Variants in ATRNL1 observed in about 807,000 individuals in gnomAD.
ATRNL1 encodes attractin like 1.
A neutral mutation model predicts 182.7 loss-of-function variants in ATRNL1; 95 were observed. The observed-to-expected ratio is 0.52, with a 90% confidence interval of 0.44 to 0.62. The LOEUF (loss-of-function observed/expected upper bound fraction) is 0.62. Among genes scored for constraint, ATRNL1 ranks in the 20% least tolerant of loss-of-function variants. The probability of loss-of-function intolerance (pLI) is 0.00; values close to 1 mark genes in which losing one functional copy is unlikely to be tolerated. For synonymous variants in ATRNL1, 576 were observed against 568.3 expected (o/e 1.01, Z -0.19); for missense variants, 1,471 against 1,679.5 (o/e 0.88, Z 2.17).
intron 9 of ATRNL1, among the ~76,000 whole-genome samples, chr10:115,218,146 T>A (rs1435695330): frequency 6.6e-6 from 1 of 151,874 alleles, no homozygotes; most frequent in Admixed American, 6.6e-5. Flanking sequence ...GTAGAATAAG[T>A]GAGAATCCTG....
intron 26 of ATRNL1, among the ~76,000 whole-genome samples, chr10:115,610,459 T>A (rs1555018672): frequency 2.6e-5 from 4 of 152,174 alleles, no homozygotes; most frequent in African/African-American, 9.6e-5. Context: ...TATCAAGAAT[T>A]TTCATTTCTT....
In ATRNL1 at chr10:115,723,363, C is replaced by G. The variant is rs1007266938; in HGVS notation, c.3796-3885C>G. Reference sequence around the variant, plus strand: ...TAAGGAGTATTATCCTAAAGTCATTCAAAGAGTTGTATGCCTTGTGGTGTT... The same window carrying G: ...TAAGGAGTATTATCCTAAAGTCATTGAAAGAGTTGTATGCCTTGTGGTGTT... On this transcript the variant is annotated intron_variant, in intron 26 of 28. Coordinates refer to ENST00000355044, the MANE Select transcript of ATRNL1 (RefSeq NM_207303.4). Among the ~76,000 whole-genome samples the G allele has an allele frequency of 2.6e-5, 4 of 152,030 alleles. No homozygotes were observed. In the South Asian group the frequency reaches 8.3e-4, roughly 32 times the overall value.
intron 28 of ATRNL1, among the ~76,000 whole-genome samples, chr10:115,901,642 C>T (rs1952354671): frequency 6.7e-6 from 1 of 148,350 alleles, no homozygotes; most frequent in Non-Finnish European, 1.5e-5. Flanking sequence ...CAGAAGATTA[C>T]AGTTTAGTTC....
intron 27 of ATRNL1, among the ~76,000 whole-genome samples, chr10:115,811,459 G>C (rs1277949853): frequency 2.0e-5 from 3 of 152,112 alleles, no homozygotes; most frequent in Admixed American, 6.5e-5. Flanking sequence ...TGGAGTTCTT[G>C]AATTGTCAGT....
intron 26 of ATRNL1, among the ~76,000 whole-genome samples, chr10:115,593,297 A>C (rs1360146877): frequency 1.3e-5 from 2 of 152,250 alleles, no homozygotes; most frequent in Admixed American, 1.3e-4. Flanking sequence ...AGCAATCTTG[A>C]GCAAAAAGAG....
At chr10:115,651,526 T>C (rs1382637189) in intron 26 of ATRNL1, among the ~76,000 whole-genome samples, 1 of 152,206 alleles carries the variant, frequency 6.6e-6, no homozygotes, top group Non-Finnish European at 1.5e-5. Flanking sequence ...TTAATCACGA[T>C]GTATCTATAT....
chr10:115,766,584 T>C (rs988311202), intron 27 of ATRNL1, among the ~76,000 whole-genome samples: 2 of 152,176 alleles, frequency 1.3e-5, no homozygotes, highest in African/African-American at 4.8e-5. Context: ...AATTCACATT[T>C]TGATGGAACT....
chr10:115,140,969 T>C (rs191025697), intron 5 of ATRNL1, among the ~76,000 whole-genome samples: 21 of 152,250 alleles, frequency 1.4e-4, no homozygotes, highest in African/African-American at 4.8e-4. Context: ...CCATTCATAT[T>C]CTAAGTCCAG....
At chr10:115,142,906 G>C (rs1484091467) in intron 5 of ATRNL1, among the ~76,000 whole-genome samples, 1 of 152,172 alleles carries the variant, frequency 6.6e-6, no homozygotes, top group Non-Finnish European at 1.5e-5. Context: ...GAAAGACAGA[G>C]TTGTCATCAA....
intron 27 of ATRNL1, among the ~76,000 whole-genome samples, chr10:115,785,915 A>G (rs1177634161): frequency 6.6e-6 from 1 of 151,964 alleles, no homozygotes; most frequent in East Asian, 1.9e-4. Context: ...GTTGAACACA[A>G]CTCATTTCTT....
chr10:115,511,951 CTTTAT>C (rs1421265891), intron 24 of ATRNL1, among the ~76,000 whole-genome samples: 31 of 151,742 alleles, frequency 2.0e-4, no homozygotes, highest in African/African-American at 6.5e-4. Flanking sequence ...ACTAATCAGT[CTTTAT>C]TTTGATTATT....
At chr10:115,809,494 T>C (rs1046633712) in intron 27 of ATRNL1, among the ~76,000 whole-genome samples, 2 of 152,044 alleles carry the variant, frequency 1.3e-5, no homozygotes, top group Non-Finnish European at 1.5e-5. Flanking sequence ...CTTTAACTTC[T>C]GTCAGTAATG....
At chr10:115,516,301 C>T (rs1292132495) in intron 24 of ATRNL1, among the ~76,000 whole-genome samples, 1 of 151,710 alleles carries the variant, frequency 6.6e-6, no homozygotes, top group Non-Finnish European at 1.5e-5. Context: ...GATTCTTCTC[C>T]TTCATTCACC....
At chr10:115,594,199 G>A (rs1342388179) in intron 26 of ATRNL1, among the ~76,000 whole-genome samples, 1 of 152,024 alleles carries the variant, frequency 6.6e-6, no homozygotes, top group Non-Finnish European at 1.5e-5. Flanking sequence ...AGTACTTCAA[G>A]ATTCTAAGTA....
At chr10:115,590,638 C>T (rs1555011870) in intron 26 of ATRNL1, among the ~76,000 whole-genome samples, 1 of 152,094 alleles carries the variant, frequency 6.6e-6, no homozygotes, top group African/African-American at 2.4e-5. Flanking sequence ...TCCCACCTGC[C>T]TCCTCCAGGA....
At chr10:115,258,239 G>A (rs536394009) in intron 10 of ATRNL1, among the ~76,000 whole-genome samples, 6 of 151,928 alleles carry the variant, frequency 3.9e-5, no homozygotes, top group Non-Finnish European at 7.4e-5. Flanking sequence ...TCACTTTCAG[G>A]TACACCAATC....
At chr10:115,497,101 G>A (rs1464855668) in intron 24 of ATRNL1, among the ~76,000 whole-genome samples, 1 of 151,924 alleles carries the variant, frequency 6.6e-6, no homozygotes, top group Non-Finnish European at 1.5e-5. Flanking sequence ...GAGTTTGTTT[G>A]GAGAACCAGT....
chr10:115,473,015 C>G (rs1222930434), intron 24 of ATRNL1, among the ~76,000 whole-genome samples: 1 of 151,098 alleles, frequency 6.6e-6, no homozygotes, highest in Non-Finnish European at 1.5e-5. Flanking sequence ...GTACATTCCG[C>G]TTAAACCTAA....
intron 1 of ATRNL1, chr10:115,096,846 C>T: frequency 9.0e-7 from 1 of 1,110,668 alleles, no homozygotes; most frequent in South Asian, 2.1e-5. Flanking sequence ...ACAGGTAAAA[C>T]AAAAGGAACA....
Sources: allele counts gnomAD v4.1 joint callset (sites outside exome capture counted in the v4.1 genomes callset), GRCh38; gene constraint gnomAD v4.1.1; transcripts MANE v1.5; gene names NCBI Gene and HGNC (gene_info 2026-07-23, HGNC 2026-07-21).